Variants in HTR1F observed in about 807,000 individuals in gnomAD.
HTR1F encodes 5-hydroxytryptamine receptor 1F.
Under a neutral mutation model 24.0 loss-of-function variants are expected in HTR1F, and 17 were observed. That is an observed-to-expected ratio of 0.71 (90% confidence interval 0.48 to 1.06). HTR1F has a LOEUF of 1.06. Among genes scored for constraint, HTR1F ranks in the 50% least tolerant of loss-of-function variants. The pLI, the probability that HTR1F is intolerant of heterozygous loss-of-function variation, is 0.00. For synonymous variants in HTR1F, 186 were observed against 156.8 expected (o/e 1.19, Z -1.39); for missense variants, 391 against 427.8 (o/e 0.91, Z 0.76).
At chr3:87,835,708 AT>A (rs1383441968) in intron 2 of HTR1F, among the ~76,000 whole-genome samples, 1 of 152,174 alleles carries the variant, frequency 6.6e-6, no homozygotes, top group Non-Finnish European at 1.5e-5. Context: ...TTGAGACCAA[AT>A]TCCTTTTTAG....
chr3:87,931,771 T>A (rs55824621), intron 2 of HTR1F, among the ~76,000 whole-genome samples: 15,932 of 148,640 alleles, frequency 0.11, 1,079 homozygotes, highest in Non-Finnish European at 0.15. Context: ...CTCATAGTGG[T>A]TTTGATTTGC....
chr3:87,982,922 A>T (rs963441426), intron 2 of HTR1F, among the ~76,000 whole-genome samples: 3 of 152,120 alleles, frequency 2.0e-5, no homozygotes, highest in Non-Finnish European at 2.9e-5. Flanking sequence ...AAGGAGCCTC[A>T]TCTGTTTCTT....
chr3:87,878,568 G>A (rs531092118), intron 2 of HTR1F, among the ~76,000 whole-genome samples: 7 of 152,120 alleles, frequency 4.6e-5, no homozygotes, highest in Admixed American at 6.6e-5. Flanking sequence ...AATGCCCATC[G>A]TATCTCTAAG....
At position 87,993,635 on chromosome 3, in the gene HTR1F, G is replaced by C. The variant is rs1202999819; in HGVS notation, c.*1785G>C. On this transcript the variant is annotated 3_prime_UTR_variant, in exon 3 of 3. Transcript: ENST00000319595. The stretch of plus-strand genomic sequence containing the variant: ...AACTGCACCATGCAAGTATTTGGTG[G>C]GGCATGTTCATAAATAGCAATGAGT... 6.0e-6 allele frequency: 1 copy of C among 167,002 alleles called. No individual in the cohort carries two copies. Among genetic ancestry groups the C allele is most frequent in the Non-Finnish European group, 1.5e-5 (1 of 68,108 alleles). The allele number at this position is 167,002 out of a possible 1,614,324, so 10.3% of individuals were successfully genotyped here.
chr3:87,894,450 G>T (rs903005652), intron 2 of HTR1F, among the ~76,000 whole-genome samples: 15 of 151,452 alleles, frequency 9.9e-5, no homozygotes, highest in Non-Finnish European at 1.8e-4. Context: ...CAGAGACAGG[G>T]TTTCACTATA....
intron 2 of HTR1F, among the ~76,000 whole-genome samples, chr3:87,933,426 A>C (rs1360657529): frequency 2.0e-5 from 3 of 152,234 alleles, no homozygotes. Context: ...CCCTCTTTGC[A>C]GACGACATGA....
In HTR1F at chr3:87,937,790, G is replaced by C. The variant is rs139760259; in HGVS notation, c.-42-52918G>C. On this transcript the variant is annotated intron_variant, in intron 2 of 2. Coordinates refer to ENST00000319595, the MANE Select transcript of HTR1F (RefSeq NM_001322209.2). ...CACAAAAAAATCAGCTGGGCATGGT[G>C]GTGGGTGCCTGTAGTCCCAGCTACT... Among the ~76,000 whole-genome samples the C allele has an allele frequency of 5.2e-3, 797 of 152,180 alleles. 10 individuals are homozygous for C. Among genetic ancestry groups the C allele is most frequent in the African/African-American group, 0.018 (736 of 41,524 alleles).
intron 2 of HTR1F, among the ~76,000 whole-genome samples, chr3:87,928,925 T>C (rs545373201): frequency 1.3e-5 from 2 of 152,324 alleles, no homozygotes; most frequent in South Asian, 4.1e-4. Flanking sequence ...GTCTAAAAGC[T>C]AGTCTAAGCA....
rs149766548 is a variant in HTR1F at position 87,916,859 on chromosome 3, A to C, written c.-42-73849A>C. Among the ~76,000 whole-genome samples, 482 of 152,264 alleles carry C rather than the reference A, an allele frequency of 3.2e-3. 3 individuals are homozygous for C. The highest frequency in any genetic ancestry group is 0.01 in the Middle Eastern group (3 of 294). ...GTATTTAAACTATACCCTGGAACAA[A>C]GGGACTTAACAGCTATATGCAGAGC... On this transcript the variant is annotated intron_variant, in intron 2 of 2. Coordinates refer to ENST00000319595, the MANE Select transcript of HTR1F (RefSeq NM_001322209.2).
Position 87,991,855 on chromosome 3 carries a change from A to T in HTR1F, c.*5A>T, listed in dbSNP as rs1931. ...CTTGTGCGATGTCGATGTTAGTTTTAAAAATGTTTATTATTGAAGGATGGG... is the reference window on the plus strand; with the variant it reads ...CTTGTGCGATGTCGATGTTAGTTTTTAAAATGTTTATTATTGAAGGATGGG... On this transcript the variant is annotated 3_prime_UTR_variant, in exon 3 of 3. Transcript: ENST00000319595. The T allele has an allele frequency of 0.037, 57,760 of 1,548,912 alleles. 1,244 individuals are homozygous for T. The highest frequency in any genetic ancestry group is 0.044 in the Non-Finnish European group (50,647 of 1,150,154).
chr3:87,920,444 C>A (rs1703989840), intron 2 of HTR1F, among the ~76,000 whole-genome samples: 1 of 151,774 alleles, frequency 6.6e-6, no homozygotes, highest in South Asian at 2.1e-4. Flanking sequence ...TACTGCAAGA[C>A]CCTGGAGAAA....
At chr3:87,930,573 T>C (rs1162488373) in intron 2 of HTR1F, among the ~76,000 whole-genome samples, 1 of 152,214 alleles carries the variant, frequency 6.6e-6, no homozygotes, top group Non-Finnish European at 1.5e-5. Context: ...GTTCTGTGTA[T>C]GTGATGAATC....
At chr3:87,902,429 G>A (rs1222519036) in intron 2 of HTR1F, among the ~76,000 whole-genome samples, 1 of 152,026 alleles carries the variant, frequency 6.6e-6, no homozygotes, top group Non-Finnish European at 1.5e-5. Flanking sequence ...CAAGTAGATC[G>A]TAATCCTAAA....
chr3:87,988,016 C>T (rs902083363), intron 2 of HTR1F, among the ~76,000 whole-genome samples: 1 of 151,436 alleles, frequency 6.6e-6, no homozygotes, highest in Non-Finnish European at 1.5e-5. Flanking sequence ...AAAAATTAGA[C>T]AGATGAGAAA....
At chr3:87,929,605 GT>G (rs1045358527) in intron 2 of HTR1F, among the ~76,000 whole-genome samples, 15 of 152,152 alleles carry the variant, frequency 9.9e-5, no homozygotes, top group Admixed American at 6.6e-4. Context: ...AGATCAGATG[GT>G]TGTAAATGTG....
At chr3:87,932,104 C>T (rs1370196405) in intron 2 of HTR1F, among the ~76,000 whole-genome samples, 1 of 152,138 alleles carries the variant, frequency 6.6e-6, no homozygotes, top group Non-Finnish European at 1.5e-5. Flanking sequence ...GTGTTTTAGA[C>T]ATGAAGTCCT....
At chr3:87,901,586 T>G (rs1706324635) in intron 2 of HTR1F, among the ~76,000 whole-genome samples, 1 of 152,122 alleles carries the variant, frequency 6.6e-6, no homozygotes, top group African/African-American at 2.4e-5. Context: ...TTTCTATTAT[T>G]ATTACTACTA....
At chr3:87,975,639 C>A (rs748269840) in intron 2 of HTR1F, among the ~76,000 whole-genome samples, 1 of 140,472 alleles carries the variant, frequency 7.1e-6, no homozygotes, top group Non-Finnish European at 1.6e-5. Context: ...AAAATAGATA[C>A]CCTTCTTATT....
chr3:87,890,334 T>C (rs150822282), intron 2 of HTR1F, among the ~76,000 whole-genome samples: 30 of 152,358 alleles, frequency 2.0e-4, no homozygotes, highest in Middle Eastern at 3.4e-3. Flanking sequence ...TTGCAACTTT[T>C]GCAGCTTTTA....
Sources: gnomAD v4.1 joint callset for allele counts (sites outside exome capture counted in the v4.1 genomes callset) on GRCh38, gnomAD v4.1.1 for gene constraint, MANE v1.5 for transcripts, NCBI Gene and HGNC (gene_info 2026-07-23, HGNC 2026-07-21) for gene names.